Variants in PDE11A observed in about 807,000 individuals in gnomAD.
The protein encoded by PDE11A is dual 3',5'-cyclic-AMP and -GMP phosphodiesterase 11A.
PDE11A carries 100 observed loss-of-function variants against 100.5 expected under a neutral mutation model. The observed-to-expected ratio is 1.00, with a 90% CI of 0.85 to 1.18. PDE11A has a LOEUF of 1.18. Among genes scored for constraint, PDE11A ranks in the 50% most tolerant of loss-of-function variants. The probability of loss-of-function intolerance (pLI) is 0.00; values close to 1 mark genes in which losing one functional copy is unlikely to be tolerated. For synonymous variants in PDE11A, 381 were observed against 420.8 expected (o/e 0.91, Z 1.16); for missense variants, 1,141 against 1,152.6 (o/e 0.99, Z 0.15).
chr2:177,815,624 C>T (rs929169875), intron 9 of PDE11A, among the ~76,000 whole-genome samples: 6 of 152,280 alleles, frequency 3.9e-5, no homozygotes, highest in East Asian at 3.9e-4. Context: ...GCACTAAGCA[C>T]CCTGCTAGGC....
At chr2:177,805,718 C>T (rs927839830) in intron 9 of PDE11A, among the ~76,000 whole-genome samples, 2 of 151,914 alleles carry the variant, frequency 1.3e-5, no homozygotes, top group Admixed American at 1.3e-4. Context: ...CATGAAATTA[C>T]CAAAATGCTA....
At chr2:177,776,068 CTGTT>C (rs1558932673) in intron 9 of PDE11A, among the ~76,000 whole-genome samples, 1 of 152,088 alleles carries the variant, frequency 6.6e-6, no homozygotes, top group East Asian at 1.9e-4. Flanking sequence ...ATATGTCTCA[CTGTT>C]TGTATTATTA....
chr2:177,680,324 G>GTGGGTTGCTACTGTCCTTTCTA (rs1227291059), intron 16 of PDE11A, among the ~76,000 whole-genome samples: 7 of 152,188 alleles, frequency 4.6e-5, no homozygotes, highest in Admixed American at 4.6e-4. Flanking sequence ...CATAAACAGA[G>GTGGGTTGCTACTGTCCTTTCTA]TGGGTTGCTA....
chr2:177,766,152 G>A (rs1000026503), intron 10 of PDE11A, among the ~76,000 whole-genome samples: 1 of 152,106 alleles, frequency 6.6e-6, no homozygotes, highest in Non-Finnish European at 1.5e-5. Context: ...CCTGGGAGGG[G>A]TGGGGGTGTG....
At chr2:178,091,972 CTTTTA>C (rs1184303062) in intron 2 of PDE11A, among the ~76,000 whole-genome samples, 2 of 152,154 alleles carry the variant, frequency 1.3e-5, no homozygotes, top group Non-Finnish European at 2.9e-5. Flanking sequence ...CTCCTTCTCT[CTTTTA>C]TTTTAAGTCA....
chr2:178,075,648 C>A (rs1239191192), upstream of PDE11A, among the ~76,000 whole-genome samples: 3 of 149,174 alleles, frequency 2.0e-5, no homozygotes, highest in Non-Finnish European at 4.5e-5. Context: ...GGAACTTATT[C>A]TTTTCCCTCC....
At chr2:177,726,001 C>T (rs1372040252) in intron 12 of PDE11A, among the ~76,000 whole-genome samples, 1 of 152,064 alleles carries the variant, frequency 6.6e-6, no homozygotes, top group Non-Finnish European at 1.5e-5. Flanking sequence ...ATTGAATGTC[C>T]TCTGTGGGCC....
At chr2:177,756,405 C>A (rs2082091233) in intron 10 of PDE11A, among the ~76,000 whole-genome samples, 1 of 152,214 alleles carries the variant, frequency 6.6e-6, no homozygotes, top group Non-Finnish European at 1.5e-5. Flanking sequence ...AATGTCATCA[C>A]AGAAAGCCTC....
intron 2 of PDE11A, chr2:177,922,856 TTA>T: frequency 1.0e-6 from 1 of 981,394 alleles, no homozygotes; most frequent in Non-Finnish European, 1.2e-6. Flanking sequence ...TCACAATAGA[TTA>T]TCCATGCCCA....
intron 2 of PDE11A, among the ~76,000 whole-genome samples, chr2:178,101,369 G>T (rs2087557324): frequency 6.6e-6 from 1 of 152,208 alleles, no homozygotes; most frequent in African/African-American, 2.4e-5. Flanking sequence ...TGTGGAATCA[G>T]GTCTCATCAC....
At chr2:178,097,275 GA>G (rs1263080451) in intron 2 of PDE11A, among the ~76,000 whole-genome samples, 1 of 152,166 alleles carries the variant, frequency 6.6e-6, no homozygotes, top group Non-Finnish European at 1.5e-5. Context: ...CTGCTATAAA[GA>G]AATACCCGAG....
At position 177,714,770 on chromosome 2, in the gene PDE11A, C is replaced by G. The variant is rs754939843; in HGVS notation, c.2044-2892G>C. On this transcript the variant is annotated intron_variant, in intron 12 of 19. Coordinates refer to ENST00000286063, the MANE Select transcript of PDE11A (RefSeq NM_016953.4). The stretch of plus-strand genomic sequence containing the variant: ...TGGAGTTAGGATTTCTGTGAAACAT[C>G]TAAGTCTTCTCACACCCTACACAAT... 2.0e-5 allele frequency among the ~76,000 whole-genome samples: 3 copies of G among 152,204 alleles called. No individual in the cohort carries two copies. The South Asian group carries it at 6.2e-4, about 31-fold the overall frequency.
At chr2:177,954,784 T>A (rs2085541432) in intron 2 of PDE11A, among the ~76,000 whole-genome samples, 1 of 152,148 alleles carries the variant, frequency 6.6e-6, no homozygotes, top group Non-Finnish European at 1.5e-5. Flanking sequence ...AAACCTGGTC[T>A]CCACCCCCAG....
At chr2:178,016,679 A>C (rs2086342358) in intron 1 of PDE11A, among the ~76,000 whole-genome samples, 1 of 152,196 alleles carries the variant, frequency 6.6e-6, no homozygotes, top group Non-Finnish European at 1.5e-5. Flanking sequence ...AGAACAAATA[A>C]GCCGAGACTT....
intron 1 of PDE11A, among the ~76,000 whole-genome samples, chr2:178,024,337 G>A (rs188899653): frequency 2.1e-4 from 32 of 152,176 alleles, no homozygotes; most frequent in Admixed American, 1.6e-3. Flanking sequence ...GCTTGGGCCC[G>A]GGAGGCAGAG....
At chr2:178,064,189 A>ATG (rs1639943895) in intron 1 of PDE11A, among the ~76,000 whole-genome samples, 1 of 152,224 alleles carries the variant, frequency 6.6e-6, no homozygotes, top group Non-Finnish European at 1.5e-5. Flanking sequence ...AGTCTAGAGC[A>ATG]TGTTCTGTCA....
At chr2:178,020,568 G>A (rs1253474086) in intron 1 of PDE11A, among the ~76,000 whole-genome samples, 1 of 152,146 alleles carries the variant, frequency 6.6e-6, no homozygotes, top group African/African-American at 2.4e-5. Context: ...AAGGTGGGTG[G>A]ATCACTTAAG....
At chr2:177,834,533 C>T (rs998047719) in intron 6 of PDE11A, among the ~76,000 whole-genome samples, 3 of 152,226 alleles carry the variant, frequency 2.0e-5, no homozygotes, top group Non-Finnish European at 4.4e-5. Context: ...TGAGCAGTGG[C>T]TCCCTGCCCC....
At chr2:177,981,930 G>A (rs2085888215) in intron 2 of PDE11A, among the ~76,000 whole-genome samples, 1 of 150,878 alleles carries the variant, frequency 6.6e-6, no homozygotes, top group Non-Finnish European at 1.5e-5. Flanking sequence ...AATCCGGAAA[G>A]GCAGGATATT....
Sources: allele counts gnomAD v4.1 joint callset (sites outside exome capture counted in the v4.1 genomes callset), GRCh38; gene constraint gnomAD v4.1.1; transcripts MANE v1.5; gene names NCBI Gene and HGNC (gene_info 2026-07-23, HGNC 2026-07-21).